The following ATRNL1 variants were observed in gnomAD, a reference collection of about 807,000 sequenced individuals.
The protein encoded by ATRNL1 is attractin-like protein 1.
ATRNL1 carries 95 observed loss-of-function variants against 182.7 expected under a neutral mutation model. The observed-to-expected ratio is 0.52, with a 90% CI of 0.44 to 0.62. ATRNL1 has a LOEUF of 0.62. ATRNL1 is among the 20% of genes least tolerant of loss of function. ATRNL1 has a pLI of 0.00. For synonymous variants in ATRNL1, 576 were observed against 568.3 expected (o/e 1.01, Z -0.19); for missense variants, 1,471 against 1,679.5 (o/e 0.88, Z 2.17).
chr10:115,289,619 A>G (rs1554920215), intron 15 of ATRNL1, among the ~76,000 whole-genome samples: 3 of 152,092 alleles, frequency 2.0e-5, no homozygotes, highest in African/African-American at 7.2e-5. Context: ...CAGTGTTTCT[A>G]GTACTATTTA....
At chr10:115,362,962 A>C (rs1214128663) in intron 19 of ATRNL1, among the ~76,000 whole-genome samples, 1 of 152,096 alleles carries the variant, frequency 6.6e-6, no homozygotes, top group Admixed American at 6.6e-5. Context: ...GCTATTGTGA[A>C]TAGTGCTGCA....
chr10:115,471,843 T>C (rs1385969723), intron 24 of ATRNL1, among the ~76,000 whole-genome samples: 2 of 151,174 alleles, frequency 1.3e-5, no homozygotes, highest in Non-Finnish European at 3.0e-5. Flanking sequence ...GGAAGCTTTT[T>C]TTAGTTTGAT....
At chr10:115,515,849 A>G (rs545760366) in intron 24 of ATRNL1, among the ~76,000 whole-genome samples, 1 of 152,014 alleles carries the variant, frequency 6.6e-6, no homozygotes, top group Non-Finnish European at 1.5e-5. Context: ...CTTAACCAAC[A>G]AAATCAACCA....
At chr10:115,396,282 G>A (rs923288724) in intron 20 of ATRNL1, among the ~76,000 whole-genome samples, 3 of 151,818 alleles carry the variant, frequency 2.0e-5, no homozygotes, top group Non-Finnish European at 2.9e-5. Context: ...TAAAACCAAC[G>A]GAATTAAATC....
chr10:115,391,440 T>C (rs1844013085), intron 19 of ATRNL1, among the ~76,000 whole-genome samples: 1 of 152,130 alleles, frequency 6.6e-6, no homozygotes, highest in South Asian at 2.1e-4. Context: ...CTTGGGACTG[T>C]GGGGTCATGC....
At chr10:115,900,385 T>A (rs1952320747) in intron 28 of ATRNL1, among the ~76,000 whole-genome samples, 1 of 152,134 alleles carries the variant, frequency 6.6e-6, no homozygotes, top group African/African-American at 2.4e-5. Flanking sequence ...GATGAAAAAA[T>A]TAATTCAGCT....
At chr10:115,624,073 T>C (rs1857941037) in intron 26 of ATRNL1, among the ~76,000 whole-genome samples, 1 of 152,096 alleles carries the variant, frequency 6.6e-6, no homozygotes, top group Non-Finnish European at 1.5e-5. Context: ...AATATTATTT[T>C]TCTATATCTA....
chr10:115,871,582 C>A (rs530852332), intron 28 of ATRNL1, among the ~76,000 whole-genome samples: 2 of 150,518 alleles, frequency 1.3e-5, no homozygotes, highest in Non-Finnish European at 3.0e-5. Flanking sequence ...TGAAAAGCAT[C>A]CAAGGAAAGG....
chr10:115,250,769 G>A (rs1850843195), intron 10 of ATRNL1, among the ~76,000 whole-genome samples: 1 of 152,178 alleles, frequency 6.6e-6, no homozygotes, highest in Non-Finnish European at 1.5e-5. Flanking sequence ...CTGAATCTTT[G>A]TAGGTTTTAT....
At chr10:115,778,669 C>G (rs1949189343) in intron 27 of ATRNL1, among the ~76,000 whole-genome samples, 1 of 152,204 alleles carries the variant, frequency 6.6e-6, no homozygotes, top group Admixed American at 6.5e-5. Context: ...CCTTGAATAC[C>G]ATGCTGAGTG....
chr10:115,943,753 C>A (rs1953798142), intron 28 of ATRNL1, among the ~76,000 whole-genome samples: 1 of 151,828 alleles, frequency 6.6e-6, no homozygotes, highest in Admixed American at 6.6e-5. Context: ...TTCACAATTA[C>A]CAAAAATTGG....
intron 26 of ATRNL1, among the ~76,000 whole-genome samples, chr10:115,690,482 C>T (rs1454298588): frequency 1.3e-5 from 2 of 152,146 alleles, no homozygotes; most frequent in African/African-American, 2.4e-5. Flanking sequence ...CTCACTCACC[C>T]ACTGTTCATC....
intron 5 of ATRNL1, among the ~76,000 whole-genome samples, chr10:115,150,282 C>T (rs1162776774): frequency 1.3e-5 from 2 of 150,538 alleles, no homozygotes; most frequent in East Asian, 3.9e-4. Flanking sequence ...ATTGGTAGAC[C>T]ACATCTTTTC....
chr10:115,367,268 T>A (rs1292041083), intron 19 of ATRNL1, among the ~76,000 whole-genome samples: 11 of 134,842 alleles, frequency 8.2e-5, no homozygotes, highest in Non-Finnish European at 1.6e-4. Flanking sequence ...TTTCATTCAT[T>A]TCATCTTCCA....
Position 115,811,356 on chromosome 10 carries a change from T to A in ATRNL1, c.3904-36521T>A, listed in dbSNP as rs149757616. On this transcript the variant is annotated intron_variant, in intron 27 of 28. Coordinates refer to ENST00000355044, the MANE Select transcript of ATRNL1 (RefSeq NM_207303.4). Reference sequence around the variant, plus strand: ...ATTACTCTATGGTTTTTATCTTTTTTAATTTGTTAAGGTTTGTTTTATGGC... The same window carrying A: ...ATTACTCTATGGTTTTTATCTTTTTAAATTTGTTAAGGTTTGTTTTATGGC... Among the ~76,000 whole-genome samples, 1,255 of 152,096 alleles carry A rather than the reference T, an allele frequency of 8.3e-3. 17 individuals are homozygous for A. Among genetic ancestry groups the A allele is most frequent in the African/African-American group, 0.028 (1,167 of 41,560 alleles).
At chr10:115,542,388 G>A (rs534104257) in intron 25 of ATRNL1, among the ~76,000 whole-genome samples, 5 of 151,890 alleles carry the variant, frequency 3.3e-5, no homozygotes, top group South Asian at 2.1e-4. Context: ...CTCCCTCCAC[G>A]TGGCTGTGTA....
At chr10:115,135,284 A>AC (rs1417203211) in intron 5 of ATRNL1, among the ~76,000 whole-genome samples, 1 of 151,992 alleles carries the variant, frequency 6.6e-6, no homozygotes, top group Non-Finnish European at 1.5e-5. Context: ...TATTTAGAAA[A>AC]CCCCATCATC....
chr10:115,522,033 T>C (rs1354086935), intron 25 of ATRNL1, among the ~76,000 whole-genome samples: 3 of 152,142 alleles, frequency 2.0e-5, no homozygotes, highest in African/African-American at 7.2e-5. Context: ...TCAAACTCTT[T>C]GTTAGATTTT....
At chr10:115,927,093 G>C (rs1221736115) in intron 28 of ATRNL1, among the ~76,000 whole-genome samples, 1 of 152,142 alleles carries the variant, frequency 6.6e-6, no homozygotes, top group African/African-American at 2.4e-5. Context: ...TCATCCCTGG[G>C]ATGCAAGCTG....
Sources: gnomAD v4.1 joint callset for allele counts (sites outside exome capture counted in the v4.1 genomes callset) on GRCh38, gnomAD v4.1.1 for gene constraint, MANE v1.5 for transcripts, NCBI Gene and HGNC (gene_info 2026-07-23, HGNC 2026-07-21) for gene names.